Variants in TPRG1 observed in about 807,000 individuals in gnomAD.
The protein encoded by TPRG1 is tumor protein p63 regulated 1, also known as tumor protein p63-regulated gene 1 protein.
TPRG1 carries 29 observed loss-of-function variants against 29.3 expected under a neutral mutation model. That is an observed-to-expected ratio of 0.99 (90% CI 0.74 to 1.35). TPRG1 has a LOEUF of 1.35. Ranked by LOEUF, TPRG1 falls within the 40% of genes most tolerant of loss-of-function variation. The pLI is 0.00. For synonymous variants in TPRG1, 130 were observed against 116.8 expected, an observed-to-expected ratio of 1.11 and a Z score of -0.73; for missense variants, 327 against 335.0, an observed-to-expected ratio of 0.98 and a Z score of 0.19.
At chr3:189,061,011 A>G (rs1048518821) in intron 4 of TPRG1, among the ~76,000 whole-genome samples, 37 of 152,184 alleles carry the variant, frequency 2.4e-4, no homozygotes, top group African/African-American at 8.7e-4. Flanking sequence ...CAAAAGAACA[A>G]AGCCAAAAGC....
intron 4 of TPRG1, among the ~76,000 whole-genome samples, chr3:189,043,455 T>A (rs1714762485): frequency 6.6e-6 from 1 of 152,236 alleles, no homozygotes; most frequent in Non-Finnish European, 1.5e-5. Context: ...AAGGTTGGAC[T>A]GCATATCATG....
chr3:189,165,715 T>C (rs771693246), intron 5 of TPRG1, among the ~76,000 whole-genome samples: 5 of 152,108 alleles, frequency 3.3e-5, no homozygotes, highest in Non-Finnish European at 5.9e-5. Context: ...CTCACTGCAC[T>C]GGGGGTGGGA....
At chr3:189,297,599 G>A (rs77986235) in intron 4 of TPRG1, among the ~76,000 whole-genome samples, 2 of 152,124 alleles carry the variant, frequency 1.3e-5, no homozygotes, top group Non-Finnish European at 2.9e-5. Flanking sequence ...TCAGATTCTG[G>A]ATTTTAAGAA....
At chr3:189,268,315 T>C (rs760837365) in intron 4 of TPRG1, among the ~76,000 whole-genome samples, 2 of 152,116 alleles carry the variant, frequency 1.3e-5, no homozygotes, top group South Asian at 2.1e-4. Flanking sequence ...GGGTGGCTGA[T>C]GGGGGATTGC....
chr3:189,069,545 A>G (rs929182124), intron 4 of TPRG1, among the ~76,000 whole-genome samples: 5 of 152,196 alleles, frequency 3.3e-5, no homozygotes, highest in Non-Finnish European at 7.3e-5. Context: ...TATTTTTTAC[A>G]GTTGCATCTA....
At chr3:189,050,195 T>A (rs1480054341) in intron 4 of TPRG1, among the ~76,000 whole-genome samples, 3 of 152,086 alleles carry the variant, frequency 2.0e-5, no homozygotes, top group African/African-American at 7.2e-5. Context: ...TTGGCAAGAT[T>A]AACCGAGAAA....
chr3:189,207,315 A>G, intron 1 of TPRG1, 61 bp from the exon 2 acceptor site: 1 of 1,583,366 alleles, frequency 6.3e-7, no homozygotes, highest in Non-Finnish European at 8.6e-7. Context: ...GTTTTGCCAT[A>G]GCTAGGACAC....
intron 4 of TPRG1, among the ~76,000 whole-genome samples, chr3:189,082,002 GATA>G (rs904660900): frequency 6.6e-6 from 1 of 152,176 alleles, no homozygotes; most frequent in Non-Finnish European, 1.5e-5. Context: ...GGGGTTATTT[GATA>G]ATAAGCCATC....
intron 2 of TPRG1, among the ~76,000 whole-genome samples, chr3:189,128,801 C>T (rs1182502750): frequency 6.6e-6 from 1 of 152,148 alleles, no homozygotes; most frequent in African/African-American, 2.4e-5. Context: ...CAGAGTTTCG[C>T]TCTTGTTGTC....
intron 4 of TPRG1, among the ~76,000 whole-genome samples, chr3:189,240,770 A>G (rs1280505409): frequency 1.3e-5 from 2 of 152,226 alleles, no homozygotes; most frequent in African/African-American, 2.4e-5. Context: ...AACCATATCA[A>G]GGTCTCTCTG....
At chr3:189,268,254 T>C (rs1170508580) in intron 4 of TPRG1, among the ~76,000 whole-genome samples, 1 of 152,160 alleles carries the variant, frequency 6.6e-6, no homozygotes, top group African/African-American at 2.4e-5. Flanking sequence ...GATTTTTGGG[T>C]GCGGTGCTGT....
At chr3:189,072,708 A>G (rs1716883430) in intron 4 of TPRG1, among the ~76,000 whole-genome samples, 1 of 152,062 alleles carries the variant, frequency 6.6e-6, no homozygotes, top group South Asian at 2.1e-4. Context: ...ACCTTCCTCT[A>G]CCCAAGATCC....
In TPRG1 at chr3:189,291,517, A is replaced by G. The variant is rs1475490711; in HGVS notation, c.480-18869A>G. Among the ~76,000 whole-genome samples the G allele has an allele frequency of 4.6e-5, 7 of 152,338 alleles. No individual in the cohort carries two copies. The East Asian group carries it at 1.3e-3, about 29-fold the overall frequency. On this transcript the variant is annotated intron_variant, in intron 4 of 5. Coordinates refer to ENST00000345063, the MANE Select transcript of TPRG1 (RefSeq NM_198485.4). Reference sequence around the variant, plus strand: ...AGAATAAGTATTAGCCATCATTATTATCATCACTGTTACTATTTATGTGTC... The same window carrying G: ...AGAATAAGTATTAGCCATCATTATTGTCATCACTGTTACTATTTATGTGTC...
chr3:189,081,058 A>T (rs1008419068), intron 4 of TPRG1, among the ~76,000 whole-genome samples: 1 of 152,160 alleles, frequency 6.6e-6, no homozygotes, highest in African/African-American at 2.4e-5. Flanking sequence ...AGAATTGGTT[A>T]AAAATGATGT....
At chr3:189,031,199 G>A (rs1180607382) in intron 4 of TPRG1, among the ~76,000 whole-genome samples, 1 of 152,002 alleles carries the variant, frequency 6.6e-6, no homozygotes, top group Non-Finnish European at 1.5e-5. Context: ...GCTGAGGCAG[G>A]AGAATCACTT....
At chr3:189,137,009 C>G (rs1723831223) in intron 3 of TPRG1, among the ~76,000 whole-genome samples, 1 of 152,062 alleles carries the variant, frequency 6.6e-6, no homozygotes, top group Admixed American at 6.5e-5. Context: ...ATTTGAAAGT[C>G]TGGAAAGACA....
rs376778811 is a variant in TPRG1 at position 189,083,953 on chromosome 3, G to A, written c.-462-43104G>A. ...AGCACTTTGGGAGGCTGAGGCAGGC[G>A]GATCACCAGAGATTGGGAGTTTGAG... On this transcript the variant is annotated intron_variant, in intron 4 of 10. Coordinates refer to the TPRG1 transcript ENST00000433971. 1.1e-3 allele frequency among the ~76,000 whole-genome samples: 162 copies of A among 152,262 alleles called. 1 individual carries two copies. The highest frequency in any genetic ancestry group is 3.5e-3 in the African/African-American group (147 of 41,564).
intron 4 of TPRG1, among the ~76,000 whole-genome samples, chr3:189,073,451 G>A (rs1716924806): frequency 6.6e-6 from 1 of 152,128 alleles, no homozygotes; most frequent in South Asian, 2.1e-4. Context: ...CGCCCCTTTG[G>A]ATGAAAGGTA....
chr3:189,313,786 G>A (rs1723064714), intron 5 of TPRG1, among the ~76,000 whole-genome samples: 2 of 152,106 alleles, frequency 1.3e-5, no homozygotes, highest in African/African-American at 4.8e-5. Context: ...AGGGGAGGCA[G>A]ATAAAAATGC....
Sources: gnomAD v4.1 joint callset for allele counts (sites outside exome capture counted in the v4.1 genomes callset) on GRCh38, gnomAD v4.1.1 for gene constraint, MANE v1.5 for transcripts, NCBI Gene and HGNC (gene_info 2026-07-23, HGNC 2026-07-21) for gene names.